Variants in SRBD1 observed in about 807,000 individuals in gnomAD.
SRBD1 encodes the protein S1 RNA binding domain 1, also known as S1 RNA-binding domain-containing protein 1.
In SRBD1, 88 loss-of-function variants were observed where a neutral mutation model predicts 115.3. That is an observed-to-expected ratio of 0.76 (90% CI 0.64 to 0.91). The LOEUF (loss-of-function observed/expected upper bound fraction) is 0.91, where lower values mean the gene tolerates loss of function less well. SRBD1 is among the 40% of genes least tolerant of loss of function. SRBD1 has a pLI of 0.00. For synonymous variants in SRBD1, 509 were observed against 407.7 expected (o/e 1.25, Z -2.99); for missense variants, 1,385 against 1,177.4 (o/e 1.18, Z -2.58).
intron 11 of SRBD1, among the ~76,000 whole-genome samples, chr2:45,552,984 G>T (rs1472669923): frequency 6.6e-6 from 1 of 152,088 alleles, no homozygotes; most frequent in Non-Finnish European, 1.5e-5. Context: ...TGAGAATGAA[G>T]ATAATCTATA....
chr2:45,521,286 AACACACACACACACACAC>A (rs71394840), intron 14 of SRBD1, among the ~76,000 whole-genome samples: 2 of 146,332 alleles, frequency 1.4e-5, no homozygotes, highest in South Asian at 2.2e-4. Context: ...CAAAAAGGAA[AACACACACACACACACAC>A]ACACACACAC....
chr2:45,583,861 T>C (rs753896020), intron 5 of SRBD1, among the ~76,000 whole-genome samples: 1 of 152,210 alleles, frequency 6.6e-6, no homozygotes, highest in Non-Finnish European at 1.5e-5. Flanking sequence ...TTCAATGTAT[T>C]CCCCTATTCA....
chr2:45,392,809 A>G (rs1030389095), intron 20 of SRBD1, 136 bp downstream of exon 20: 12 of 908,190 alleles, frequency 1.3e-5, no homozygotes, highest in Middle Eastern at 2.5e-4. Flanking sequence ...GAAGATCACC[A>G]TGCTTTATTT....
chr2:45,519,677 T>G (rs62128560), intron 14 of SRBD1, among the ~76,000 whole-genome samples: 1 of 152,182 alleles, frequency 6.6e-6, no homozygotes, highest in Non-Finnish European at 1.5e-5. Context: ...GCACATACAT[T>G]ATGTGATTTT....
At chr2:45,483,781 A>AT (rs1184409053) in intron 15 of SRBD1, among the ~76,000 whole-genome samples, 1 of 152,050 alleles carries the variant, frequency 6.6e-6, no homozygotes, top group Non-Finnish European at 1.5e-5. Context: ...CTAAATTAGA[A>AT]TTTTTTCACT....
chr2:45,547,395 G>C (rs1029592107), intron 13 of SRBD1, 127 bp downstream of exon 13: 13 of 775,310 alleles, frequency 1.7e-5, no homozygotes, highest in Non-Finnish European at 1.8e-5. Flanking sequence ...CCCCAGAACT[G>C]TTTTATATGG....
chr2:45,482,439 C>A (rs556960326), intron 15 of SRBD1, among the ~76,000 whole-genome samples: 69 of 152,028 alleles, frequency 4.5e-4, no homozygotes, highest in Non-Finnish European at 7.7e-4. Flanking sequence ...GCTATCGAAC[C>A]AATAACACAG....
chr2:45,607,824 G>A (rs1674320104), intron 1 of SRBD1, among the ~76,000 whole-genome samples: 2 of 152,152 alleles, frequency 1.3e-5, no homozygotes, highest in South Asian at 4.1e-4. Context: ...TAGACTGTGG[G>A]CATGGGAACC....
At position 45,574,634 on chromosome 2, in the gene SRBD1, G is replaced by C. The variant is rs150133531; in HGVS notation, c.1162C>G (p.Arg388Gly). Reference protein sequence around the residue: ...AKDKDTLDFIRNLCQKRHVCI... With the variant: ...AKDKDTLDFIGNLCQKRHVCI... ...CATAAAAGAGATACTCACAAGTTCC[G>C]AATGAAGTCAAGCGTGTCTTTGTCT... Residue 388 changes from arginine to glycine, a missense_variant, in exon 8 of 21, where the codon CGG becomes GGG. By Grantham distance (125) the Arg-to-Gly change is moderately radical (BLOSUM62 -2). Coordinates refer to ENST00000263736, the MANE Select transcript of SRBD1 (RefSeq NM_018079.5). 6.2e-7 allele frequency: 1 copy of C among 1,612,650 alleles called. No homozygotes were observed. The highest frequency in any genetic ancestry group is 1.7e-5 in the Admixed American group (1 of 59,684).
chr2:45,501,973 G>T (rs1345461439), intron 14 of SRBD1, among the ~76,000 whole-genome samples: 1 of 152,176 alleles, frequency 6.6e-6, no homozygotes, highest in Non-Finnish European at 1.5e-5. Context: ...TGAGATCTGA[G>T]AACGGACAGA....
intron 14 of SRBD1, among the ~76,000 whole-genome samples, chr2:45,531,187 G>GT (rs1357910150): frequency 3.3e-5 from 5 of 151,812 alleles, no homozygotes; most frequent in African/African-American, 7.2e-5. Flanking sequence ...TGTTGTGTTG[G>GT]TTTCTTATCC....
chr2:45,610,787 G>A (rs903352601), intron 1 of SRBD1, among the ~76,000 whole-genome samples: 1 of 152,162 alleles, frequency 6.6e-6, no homozygotes, highest in Non-Finnish European at 1.5e-5. Context: ...AATTAGCCGG[G>A]TGTGATGACG....
chr2:45,392,307 C>T (rs925662867), intron 20 of SRBD1, among the ~76,000 whole-genome samples: 8 of 152,162 alleles, frequency 5.3e-5, no homozygotes, highest in Non-Finnish European at 8.8e-5. Context: ...GACCAGTGAG[C>T]GGATTCATTT....
chr2:45,413,636 A>T (rs188141707), intron 18 of SRBD1, among the ~76,000 whole-genome samples: 2 of 152,274 alleles, frequency 1.3e-5, no homozygotes, highest in Admixed American at 1.3e-4. Flanking sequence ...ATAGAAAAAG[A>T]CTCATACTTG....
Position 45,413,307 on chromosome 2 carries a change from G to C in SRBD1, c.2334-14C>G, listed in dbSNP as rs886651259. ...TCAGTTTGCTGACTATATAAAACCA[G>C]AAAAAACCACATTTATGAAAAGGGG... On this transcript the variant is annotated splice_polypyrimidine_tract_variant and intron_variant, in intron 18 of 20. Coordinates refer to ENST00000263736, the MANE Select transcript of SRBD1 (RefSeq NM_018079.5). 4 of 1,596,054 alleles carry C rather than the reference G, an allele frequency of 2.5e-6. No homozygotes were observed. In the Admixed American group the frequency reaches 7.3e-5, roughly 29 times the overall value.
At chr2:45,425,648 GGT>G (rs1668129554) in intron 16 of SRBD1, among the ~76,000 whole-genome samples, 2 of 151,988 alleles carry the variant, frequency 1.3e-5, no homozygotes, top group South Asian at 4.2e-4. Flanking sequence ...TTAGACAGTG[GGT>G]ACAGCCCACG....
intron 18 of SRBD1, among the ~76,000 whole-genome samples, chr2:45,417,710 G>C (rs1667872783): frequency 6.6e-6 from 1 of 152,178 alleles, no homozygotes; most frequent in Non-Finnish European, 1.5e-5. Context: ...TTTAGCTCTT[G>C]ATCCACACAA....
intron 14 of SRBD1, among the ~76,000 whole-genome samples, chr2:45,545,049 G>T (rs1229494354): frequency 6.6e-6 from 1 of 152,006 alleles, no homozygotes; most frequent in Admixed American, 6.5e-5. Flanking sequence ...GGGAGGCTGA[G>T]GCAGGCGGAT....
At chr2:45,408,658 G>A (rs73925642) in intron 19 of SRBD1, among the ~76,000 whole-genome samples, 15,773 of 152,172 alleles carry the variant, frequency 0.1, 1,306 homozygotes, top group African/African-American at 0.23. Context: ...TGTGTTACTT[G>A]GTGATGTATT....
Sources: allele counts gnomAD v4.1 joint callset (sites outside exome capture counted in the v4.1 genomes callset), GRCh38; gene constraint gnomAD v4.1.1; transcripts MANE v1.5; gene names NCBI Gene and HGNC (gene_info 2026-07-23, HGNC 2026-07-21).